Variants in USH2A observed in about 807,000 individuals in gnomAD.
The protein encoded by USH2A is usherin.
In USH2A, 443 loss-of-function variants were observed where a neutral mutation model predicts 538.9. The ratio of observed to expected loss-of-function variants is 0.82; its 90% confidence interval spans 0.76 to 0.89. The LOEUF (loss-of-function observed/expected upper bound fraction) is 0.89, where lower values mean the gene tolerates loss of function less well. USH2A is among the 40% of genes least tolerant of loss of function. The pLI is 0.00. For missense variants in USH2A, 6,633 were observed against 6,324.8 expected (o/e 1.05, Z -1.65); for synonymous variants, 2,413 against 2,273.5 (o/e 1.06, Z -1.75).
chr1:216,378,562 C>T (rs945564948), intron 3 of USH2A, among the ~76,000 whole-genome samples: 4 of 152,100 alleles, frequency 2.6e-5, no homozygotes, highest in African/African-American at 7.2e-5. Flanking sequence ...CATATTGACA[C>T]CTCAGAGAGC....
At chr1:215,883,621 C>A (rs1295534844) in intron 41 of USH2A, among the ~76,000 whole-genome samples, 1 of 151,754 alleles carries the variant, frequency 6.6e-6, no homozygotes, top group Non-Finnish European at 1.5e-5. Flanking sequence ...GATAGTTGGT[C>A]GGGCTGGTAT....
chr1:215,840,411 C>A (rs1663646482), intron 46 of USH2A, among the ~76,000 whole-genome samples: 1 of 152,040 alleles, frequency 6.6e-6, no homozygotes, highest in Non-Finnish European at 1.5e-5. Context: ...TATTCCTGGA[C>A]TGCAAAAAGC....
At chr1:215,970,560 C>T in intron 36 of USH2A, 65 bp downstream of exon 36, 1 of 1,607,144 alleles carries the variant, frequency 6.2e-7, no homozygotes, top group Non-Finnish European at 8.5e-7. Flanking sequence ...CCACTTACTT[C>T]TTCCTTAATA....
intron 21 of USH2A, among the ~76,000 whole-genome samples, chr1:216,133,750 G>A (rs2033425313): frequency 6.6e-6 from 1 of 151,980 alleles, no homozygotes; most frequent in Admixed American, 6.6e-5. Context: ...AAAATAAAAG[G>A]CTGTTGCTTT....
intron 60 of USH2A, among the ~76,000 whole-genome samples, chr1:215,732,724 A>G (rs1334736651): frequency 2.0e-5 from 3 of 150,654 alleles, no homozygotes; most frequent in Non-Finnish European, 4.4e-5. Flanking sequence ...TGTATTTTTA[A>G]TAGAGACGGG....
chr1:215,762,945 T>C (rs947571782), intron 56 of USH2A, among the ~76,000 whole-genome samples: 1 of 152,304 alleles, frequency 6.6e-6, no homozygotes, highest in South Asian at 2.1e-4. Context: ...TTTAAATTTA[T>C]CTTGAGTTGC....
chr1:215,946,584 A>G (rs1417798840), intron 37 of USH2A, among the ~76,000 whole-genome samples: 1 of 152,224 alleles, frequency 6.6e-6, no homozygotes, highest in African/African-American at 2.4e-5. Flanking sequence ...TAGACAAAAC[A>G]TTCCCAATAG....
chr1:216,310,760 C>T (rs1037247931), intron 9 of USH2A, among the ~76,000 whole-genome samples: 3 of 152,186 alleles, frequency 2.0e-5, no homozygotes, highest in Non-Finnish European at 2.9e-5. Context: ...TACTGGAGAT[C>T]ACTGAGTTTT....
At chr1:216,010,472 T>C (rs561825490) in intron 32 of USH2A, among the ~76,000 whole-genome samples, 1 of 151,988 alleles carries the variant, frequency 6.6e-6, no homozygotes, top group African/African-American at 2.4e-5. Flanking sequence ...GGCTGAAGAC[T>C]GACACTGCCC....
chr1:215,727,747 G>A (rs929800536), intron 61 of USH2A, among the ~76,000 whole-genome samples: 2 of 151,848 alleles, frequency 1.3e-5, no homozygotes, highest in Admixed American at 6.6e-5. Context: ...TTCCCACTTA[G>A]TAAATATGGA....
At chr1:216,415,597 C>A (rs1487979078) in intron 3 of USH2A, among the ~76,000 whole-genome samples, 1 of 147,582 alleles carries the variant, frequency 6.8e-6, no homozygotes, top group Non-Finnish European at 1.5e-5. Flanking sequence ...GTCACTGAAG[C>A]CTTGACTTCC....
rs374259469 is a variant in USH2A at position 215,705,618 on chromosome 1, GGTAA to G, written c.12066+22408_12066+22411del. Among the ~76,000 whole-genome samples the G allele has an allele frequency of 1.3e-4, 20 of 152,266 alleles. No homozygotes were observed. The South Asian group carries it at 2.9e-3, about 22-fold the overall frequency. On this transcript the variant is annotated intron_variant, in intron 61 of 71. Coordinates refer to ENST00000307340, the MANE Select transcript of USH2A (RefSeq NM_206933.4). ...TTCAGAATAGAAAAGGGTCCCCTAT[GGTAA>G]AAGGTCAGTGCTTAACTTCTAGCCC...
chr1:215,756,470 C>A (rs1358186936), intron 58 of USH2A, among the ~76,000 whole-genome samples: 1 of 152,100 alleles, frequency 6.6e-6, no homozygotes, highest in Non-Finnish European at 1.5e-5. Flanking sequence ...TGAAATTTCC[C>A]GTATTGCTCT....
At chr1:216,401,457 AT>A in intron 3 of USH2A, among the ~76,000 whole-genome samples, 1 of 152,244 alleles carries the variant, frequency 6.6e-6, no homozygotes, top group East Asian at 1.9e-4. Context: ...TCAGATGTAA[AT>A]GGTCTAAATA....
At chr1:216,405,701 G>A (rs1242059717) in intron 3 of USH2A, among the ~76,000 whole-genome samples, 2 of 152,146 alleles carry the variant, frequency 1.3e-5, no homozygotes, top group Non-Finnish European at 2.9e-5. Context: ...CCAGAGAAAC[G>A]AATATGTATG....
intron 20 of USH2A, among the ~76,000 whole-genome samples, chr1:216,189,993 A>G (rs921147073): frequency 6.6e-6 from 1 of 151,978 alleles, no homozygotes; most frequent in African/African-American, 2.4e-5. Flanking sequence ...GAGTCACTCT[A>G]CCACTAATTA....
chr1:215,633,250 G>A (rs1202951963), intron 70 of USH2A, among the ~76,000 whole-genome samples: 4 of 152,174 alleles, frequency 2.6e-5, no homozygotes, highest in Non-Finnish European at 5.9e-5. Flanking sequence ...AGGAGGCTCC[G>A]AGGAGGATGA....
intron 60 of USH2A, among the ~76,000 whole-genome samples, chr1:215,733,756 A>C (rs188840476): frequency 2.6e-4 from 40 of 152,316 alleles, no homozygotes; most frequent in African/African-American, 8.7e-4. Context: ...TAAAGCTCCA[A>C]AATAGTCTCC....
intron 41 of USH2A, among the ~76,000 whole-genome samples, chr1:215,882,430 TTG>T (rs34247191): frequency 0.3 from 45,779 of 151,996 alleles, 7,140 homozygotes; most frequent in Admixed American, 0.42. Flanking sequence ...TGAAATAAAG[TTG>T]TCTTTCACAA....
Sources: gnomAD v4.1 joint callset for allele counts (sites outside exome capture counted in the v4.1 genomes callset) on GRCh38, gnomAD v4.1.1 for gene constraint, MANE v1.5 for transcripts, NCBI Gene and HGNC (gene_info 2026-07-23, HGNC 2026-07-21) for gene names.